Variants in IRF2 observed in about 807,000 individuals in gnomAD.
IRF2 encodes interferon regulatory factor 2.
Under a neutral mutation model 40.6 loss-of-function variants are expected in IRF2, and 15 were observed. That is an observed-to-expected ratio of 0.37 (90% CI 0.25 to 0.57). The LOEUF (loss-of-function observed/expected upper bound fraction) is 0.57, where lower values mean the gene tolerates loss of function less well. Among genes scored for constraint, IRF2 ranks in the 20% least tolerant of loss-of-function variants. The pLI is 0.77. For missense variants in IRF2, 317 were observed against 455.7 expected, an observed-to-expected ratio of 0.70 and a Z score of 2.77; for synonymous variants, 151 against 165.5, an observed-to-expected ratio of 0.91 and a Z score of 0.67.
intron 6 of IRF2, chr4:184,407,366 T>C (rs1458265317): frequency 5.0e-6 from 3 of 596,554 alleles, no homozygotes; most frequent in Non-Finnish European, 7.6e-6. Context: ...TTGGGCACTA[T>C]TCCTGTGCAT....
At chr4:184,423,678 G>A (rs548209870) in intron 2 of IRF2, among the ~76,000 whole-genome samples, 5 of 152,232 alleles carry the variant, frequency 3.3e-5, no homozygotes, top group South Asian at 2.1e-4. Context: ...CCAGGACCCC[G>A]GATGTGACTG....
intron 2 of IRF2, 107 bp from the exon 3 acceptor site, chr4:184,419,675 C>T (rs1327543707): frequency 1.1e-5 from 8 of 732,364 alleles, no homozygotes; most frequent in African/African-American, 1.8e-5. Context: ...CAGCAAGCAT[C>T]GCTGAATGTG....
intron 7 of IRF2, among the ~76,000 whole-genome samples, chr4:184,398,444 G>C (rs1037367486): frequency 6.6e-6 from 1 of 152,058 alleles, no homozygotes; most frequent in Non-Finnish European, 1.5e-5. Context: ...ATCACCTGAC[G>C]TCAGGAGCTC....
At chr4:184,465,106 C>G (rs1305847108) in intron 1 of IRF2, among the ~76,000 whole-genome samples, 1 of 152,166 alleles carries the variant, frequency 6.6e-6, no homozygotes, top group African/African-American at 2.4e-5. Context: ...AGAATGTTAA[C>G]TGTGAAGTGA....
At chr4:184,445,677 A>C (rs1258437475) in intron 1 of IRF2, among the ~76,000 whole-genome samples, 1 of 151,678 alleles carries the variant, frequency 6.6e-6, no homozygotes, top group African/African-American at 2.4e-5. Flanking sequence ...AAGAAGAAGA[A>C]GAAGAACAAT....
At chr4:184,391,962 C>T (rs1012554849) in intron 7 of IRF2, among the ~76,000 whole-genome samples, 1 of 152,232 alleles carries the variant, frequency 6.6e-6, no homozygotes, top group African/African-American at 2.4e-5. Context: ...TGGCACACAG[C>T]ACACACTCCA....
At chr4:184,462,848 T>C (rs911025859) in intron 1 of IRF2, among the ~76,000 whole-genome samples, 3 of 152,260 alleles carry the variant, frequency 2.0e-5, no homozygotes, top group African/African-American at 7.2e-5. Flanking sequence ...ACTAGATCTG[T>C]GCCACCCTTC....
In IRF2 at chr4:184,420,854, C is replaced by A. The variant is rs560448477; in HGVS notation, c.88-1286G>T. Among the ~76,000 whole-genome samples, 12 of 152,324 alleles carry A rather than the reference C, an allele frequency of 7.9e-5. No homozygotes were observed. In the South Asian group the frequency reaches 2.5e-3, roughly 32 times the overall value. On this transcript the variant is annotated intron_variant, in intron 2 of 8. Coordinates refer to ENST00000393593, the MANE Select transcript of IRF2 (RefSeq NM_002199.4). The stretch of plus-strand genomic sequence containing the variant: ...AAGAAGCAGATTTTAACTATTTAGT[C>A]AAGGAACTTGCAGGATAATAAGTGT...
chr4:184,470,701 AAAAG>A (rs1324832843), intron 1 of IRF2, among the ~76,000 whole-genome samples: 2,103 of 138,370 alleles, frequency 0.015, 73 homozygotes, highest in African/African-American at 0.053. Flanking sequence ...AAAAAAAAAA[AAAAG>A]AAAAGAAAAA....
chr4:184,402,675 T>C (rs1644638722), intron 6 of IRF2, among the ~76,000 whole-genome samples: 1 of 152,142 alleles, frequency 6.6e-6, no homozygotes, highest in African/African-American at 2.4e-5. Flanking sequence ...TGTGACAATC[T>C]GCAAATACGG....
At chr4:184,395,014 T>C (rs1209001391) in intron 7 of IRF2, among the ~76,000 whole-genome samples, 1 of 152,188 alleles carries the variant, frequency 6.6e-6, no homozygotes, top group Non-Finnish European at 1.5e-5. Flanking sequence ...AAACTGAATG[T>C]GGTTTTGTAA....
chr4:184,400,648 C>CGGAGT (rs1736632764), intron 6 of IRF2, among the ~76,000 whole-genome samples: 2 of 152,172 alleles, frequency 1.3e-5, no homozygotes, highest in South Asian at 4.1e-4. Flanking sequence ...AACTGCTTCC[C>CGGAGT]GGAGTGACCG....
intron 3 of IRF2, 39 bp from the exon 4 acceptor site, chr4:184,418,747 C>G (rs765821772): frequency 4.5e-6 from 7 of 1,549,602 alleles, no homozygotes; most frequent in Non-Finnish European, 6.2e-6. Flanking sequence ...AGAGAGAAAA[C>G]ATTAGATACA....
intron 1 of IRF2, among the ~76,000 whole-genome samples, chr4:184,452,255 T>C (rs1393668025): frequency 1.3e-5 from 2 of 152,192 alleles, no homozygotes; most frequent in African/African-American, 2.4e-5. Context: ...CTCTCCAAAG[T>C]GACCATTGCT....
intron 2 of IRF2, chr4:184,428,533 C>A: frequency 2.8e-6 from 1 of 355,592 alleles, no homozygotes; most frequent in Non-Finnish European, 5.6e-6. Context: ...TTCAGTGGCT[C>A]ATGCCTGTAA....
intron 7 of IRF2, among the ~76,000 whole-genome samples, chr4:184,398,655 C>CAAAA (rs755314172): frequency 7.5e-5 from 11 of 146,974 alleles, no homozygotes; most frequent in Non-Finnish European, 1.3e-4. Flanking sequence ...GACTCTGTCT[C>CAAAA]AAAAAAAAAA....
chr4:184,393,199 AC>A (rs1736321033), intron 7 of IRF2, among the ~76,000 whole-genome samples: 1 of 152,196 alleles, frequency 6.6e-6, no homozygotes, highest in Admixed American at 6.5e-5. Flanking sequence ...AGGAGAGAAA[AC>A]AAAACTGTAC....
intron 2 of IRF2, among the ~76,000 whole-genome samples, chr4:184,422,833 T>C (rs145142891): frequency 9.5e-4 from 144 of 152,332 alleles, no homozygotes; most frequent in Middle Eastern, 6.8e-3. Context: ...GACTGATTAA[T>C]GGGTACAGCA....
intron 1 of IRF2, among the ~76,000 whole-genome samples, chr4:184,459,849 T>C (rs539413177): frequency 6.6e-6 from 1 of 152,252 alleles, no homozygotes; most frequent in African/African-American, 2.4e-5. Context: ...AACAAAAAGA[T>C]AATAATAACA....
Sources: gnomAD v4.1 joint callset for allele counts (sites outside exome capture counted in the v4.1 genomes callset) on GRCh38, gnomAD v4.1.1 for gene constraint, MANE v1.5 for transcripts, NCBI Gene and HGNC (gene_info 2026-07-23, HGNC 2026-07-21) for gene names.